Variants in KIAA1328 observed in about 807,000 individuals in gnomAD.
The protein encoded by KIAA1328 is KIAA1328, also known as protein hinderin.
Under a neutral mutation model 68.1 loss-of-function variants are expected in KIAA1328, and 52 were observed. The observed-to-expected ratio is 0.76, with a 90% CI of 0.61 to 0.96. The LOEUF is 0.96. Among genes scored for constraint, KIAA1328 ranks in the 40% least tolerant of loss-of-function variants. KIAA1328 has a pLI of 0.00. For synonymous variants in KIAA1328, 232 were observed against 239.4 expected (o/e 0.97, Z 0.28); for missense variants, 641 against 677.6 (o/e 0.95, Z 0.60).
chr18:37,146,403 C>G (rs2058902250), intron 7 of KIAA1328, among the ~76,000 whole-genome samples: 1 of 152,120 alleles, frequency 6.6e-6, no homozygotes, highest in South Asian at 2.1e-4. Context: ...CATCCATGTT[C>G]CCACAAAAGA....
At position 37,050,462 on chromosome 18, in the gene KIAA1328, C is replaced by A. The variant is rs114029803; in HGVS notation, c.577-16428C>A. On this transcript the variant is annotated intron_variant, in intron 6 of 9. Transcript: ENST00000280020. ...TTTTTCTGATCTGCATTAAATAATT[C>A]AAACTAGCATTATGCTTTTCTTTCT... Among the ~76,000 whole-genome samples the A allele has an allele frequency of 6.8e-3, 1,037 of 152,218 alleles. 15 individuals are homozygous for A. Among genetic ancestry groups the A allele is most frequent in the African/African-American group, 0.023 (962 of 41,532 alleles).
At chr18:37,135,074 G>T (rs2058613190) in intron 7 of KIAA1328, among the ~76,000 whole-genome samples, 5 of 152,096 alleles carry the variant, frequency 3.3e-5, no homozygotes, top group Middle Eastern at 3.4e-3. Context: ...GTGTATACTT[G>T]CCATATTTCC....
At chr18:36,831,346 A>G (rs2046485723) in intron 1 of KIAA1328, among the ~76,000 whole-genome samples, 1 of 152,006 alleles carries the variant, frequency 6.6e-6, no homozygotes, top group South Asian at 2.1e-4. Context: ...CATCTCCTGC[A>G]CAGTATGATT....
At chr18:37,213,601 A>G (rs1399991009) in intron 9 of KIAA1328, among the ~76,000 whole-genome samples, 2 of 152,220 alleles carry the variant, frequency 1.3e-5, no homozygotes, top group Admixed American at 6.5e-5. Context: ...TAGTGCTGCA[A>G]TAAACATGCA....
chr18:36,892,941 C>T (rs2048737992), intron 5 of KIAA1328, among the ~76,000 whole-genome samples: 2 of 152,076 alleles, frequency 1.3e-5, no homozygotes, highest in South Asian at 4.1e-4. Context: ...AAATTATATG[C>T]TCACTATTGG....
intron 7 of KIAA1328, among the ~76,000 whole-genome samples, chr18:37,109,296 G>T (rs1407361548): frequency 6.6e-6 from 1 of 152,166 alleles, no homozygotes; most frequent in Non-Finnish European, 1.5e-5. Flanking sequence ...GCTACTTAGG[G>T]TTCTCCCAAG....
At chr18:37,179,893 T>G (rs962848740) in intron 9 of KIAA1328, among the ~76,000 whole-genome samples, 15 of 152,090 alleles carry the variant, frequency 9.9e-5, no homozygotes, top group African/African-American at 3.6e-4. Flanking sequence ...CTTTAGCCCA[T>G]TGAGCAGGTC....
intron 6 of KIAA1328, among the ~76,000 whole-genome samples, chr18:37,033,489 G>T (rs1356252148): frequency 6.6e-6 from 1 of 152,120 alleles, no homozygotes; most frequent in African/African-American, 2.4e-5. Flanking sequence ...CAACTGCTTA[G>T]CTCTTTCTGG....
At chr18:37,006,488 A>AT (rs528980385) in intron 6 of KIAA1328, among the ~76,000 whole-genome samples, 96 of 151,884 alleles carry the variant, frequency 6.3e-4, no homozygotes, top group East Asian at 1.7e-3. Context: ...ACATTCTTCT[A>AT]TTTTTTTTAT....
chr18:36,989,444 TGTGTTAGAGAACAGA>T (rs2053078355), intron 6 of KIAA1328, among the ~76,000 whole-genome samples: 1 of 152,170 alleles, frequency 6.6e-6, no homozygotes, highest in African/African-American at 2.4e-5. Context: ...GGTAGGACAG[TGTGTTAGAGAACAGA>T]GGTGAATGCA....
intron 5 of KIAA1328, chr18:36,886,190 T>C (rs933888046): frequency 6.6e-6 from 1 of 152,554 alleles, no homozygotes; most frequent in Non-Finnish European, 1.5e-5. Context: ...GTTCTGCTGC[T>C]GCTGTTAGGC....
intron 6 of KIAA1328, among the ~76,000 whole-genome samples, chr18:36,988,833 T>G (rs1467244534): frequency 1.3e-5 from 2 of 152,168 alleles, no homozygotes; most frequent in Non-Finnish European, 2.9e-5. Flanking sequence ...TACAACTTAC[T>G]GTTACCTTGG....
intron 9 of KIAA1328, among the ~76,000 whole-genome samples, chr18:37,180,806 T>A (rs1464389179): frequency 6.6e-6 from 1 of 152,166 alleles, no homozygotes; most frequent in Non-Finnish European, 1.5e-5. Context: ...GGGGTTTTCA[T>A]AGTAGGTTTG....
chr18:36,998,282 C>G (rs2053467750), intron 6 of KIAA1328, among the ~76,000 whole-genome samples: 1 of 152,186 alleles, frequency 6.6e-6, no homozygotes, highest in Non-Finnish European at 1.5e-5. Flanking sequence ...GTGGTACCAA[C>G]CTATAAGCGC....
chr18:37,220,205 A>G (rs982990748), intron 9 of KIAA1328, among the ~76,000 whole-genome samples: 3 of 152,234 alleles, frequency 2.0e-5, no homozygotes, highest in African/African-American at 7.2e-5. Flanking sequence ...TTTAATTTTA[A>G]ATACAAATCT....
At chr18:37,220,133 G>A (rs1445828748) in intron 9 of KIAA1328, among the ~76,000 whole-genome samples, 1 of 152,152 alleles carries the variant, frequency 6.6e-6, no homozygotes, top group Non-Finnish European at 1.5e-5. Context: ...GATTATTCTT[G>A]GGGATCAGAT....
At chr18:36,860,879 C>G (rs1428275129) in intron 4 of KIAA1328, among the ~76,000 whole-genome samples, 1 of 152,030 alleles carries the variant, frequency 6.6e-6, no homozygotes, top group South Asian at 2.1e-4. Flanking sequence ...AATGGGTGAA[C>G]TTTATGATAT....
intron 6 of KIAA1328, among the ~76,000 whole-genome samples, chr18:37,009,115 A>G (rs1458995789): frequency 6.6e-6 from 1 of 152,224 alleles, no homozygotes; most frequent in Non-Finnish European, 1.5e-5. Context: ...ATCTGCAAGT[A>G]TATAGTCAAG....
At chr18:37,050,248 A>T (rs1568337754) in intron 6 of KIAA1328, among the ~76,000 whole-genome samples, 1 of 139,986 alleles carries the variant, frequency 7.1e-6, no homozygotes, top group Non-Finnish European at 1.5e-5. Flanking sequence ...AAGGAAAAAG[A>T]AAAAAGGTCT....
Sources: gnomAD v4.1 joint callset for allele counts (sites outside exome capture counted in the v4.1 genomes callset) on GRCh38, gnomAD v4.1.1 for gene constraint, MANE v1.5 for transcripts, NCBI Gene and HGNC (gene_info 2026-07-23, HGNC 2026-07-21) for gene names.